Variants in CEMIP observed in about 807,000 individuals in gnomAD.
CEMIP encodes the protein cell migration-inducing and hyaluronan-binding protein.
In CEMIP, 105 loss-of-function variants were observed where a neutral mutation model predicts 156.9. The ratio of observed to expected loss-of-function variants is 0.67; its 90% CI spans 0.57 to 0.79. CEMIP has a LOEUF of 0.79. CEMIP is among the 30% of genes least tolerant of loss of function. The pLI is 0.00. For synonymous variants in CEMIP, 676 were observed against 668.4 expected (o/e 1.01, Z -0.17); for missense variants, 1,457 against 1,769.4 (o/e 0.82, Z 3.17).
At chr15:80,923,628 G>C (rs1277208165) in intron 17 of CEMIP, among the ~76,000 whole-genome samples, 1 of 152,122 alleles carries the variant, frequency 6.6e-6, no homozygotes, top group Non-Finnish European at 1.5e-5. Flanking sequence ...AAGGAGTGAA[G>C]AAGAACCTCC....
intron 1 of CEMIP, among the ~76,000 whole-genome samples, chr15:80,787,676 G>C (rs563257342): frequency 6.6e-6 from 1 of 152,274 alleles, no homozygotes; most frequent in South Asian, 2.1e-4. Context: ...CCTTGGTTGC[G>C]CTGATCTCTT....
rs148513895 is a variant in CEMIP at position 80,868,053 on chromosome 15, A to T, written c.-175-5485A>T. On this transcript the variant is annotated intron_variant, in intron 1 of 29. Coordinates refer to ENST00000394685, the MANE Select transcript of CEMIP (RefSeq NM_001293298.2). ...TGGTTTCTGGTGTCCACAAAGATAG[A>T]CTTTTGGGTCCTTAGCCAGAAAAGG... 5.8e-3 allele frequency among the ~76,000 whole-genome samples: 876 copies of T among 152,156 alleles called. 15 individuals are homozygous for T. The highest frequency in any genetic ancestry group is 0.016 in the African/African-American group (675 of 41,486).
At chr15:80,920,643 T>TATTAGAGA (rs1900438202) in intron 15 of CEMIP, among the ~76,000 whole-genome samples, 1 of 152,140 alleles carries the variant, frequency 6.6e-6, no homozygotes, top group African/African-American at 2.4e-5. Flanking sequence ...ACACAGACCC[T>TATTAGAGA]TTTCTAGATA....
intron 1 of CEMIP, chr15:80,842,184 T>C (rs1411532115): frequency 2.3e-6 from 1 of 434,904 alleles, no homozygotes; most frequent in Non-Finnish European, 4.6e-6. Flanking sequence ...TTCCTTTTCA[T>C]CTTTTACCTA....
At chr15:80,896,094 T>A in intron 12 of CEMIP, 34 bp downstream of exon 12, 1 of 1,601,696 alleles carries the variant, frequency 6.2e-7, no homozygotes, top group East Asian at 2.2e-5. Context: ...CTAGACTGGA[T>A]GAATCTGAAA....
chr15:80,865,477 G>A (rs1276624228), intron 1 of CEMIP, among the ~76,000 whole-genome samples: 1 of 152,130 alleles, frequency 6.6e-6, no homozygotes, highest in African/African-American at 2.4e-5. Flanking sequence ...ACCGCGCCCG[G>A]CCAAGGAACT....
chr15:80,931,893 G>A lies in CEMIP; in HGVS notation c.2647G>A (p.Gly883Ser). The A allele has an allele frequency of 6.2e-7, 1 of 1,614,200 alleles. No homozygotes were observed. Reference protein sequence around the residue: ...FPIRGIQLYDGPINIQNCTFR... With the variant: ...FPIRGIQLYDSPINIQNCTFR... ...AATTAGAGGAATTCAGTTATATGAT[G>A]GCCCCATCAACATCCAAAACTGCAC... The change falls in exon 22 of 30, where the codon GGC becomes AGC. Residue 883 changes from glycine (G) to serine (S), a missense_variant. Physicochemically the swap from Gly to Ser is moderately conservative, Grantham distance 56. Coordinates refer to ENST00000394685, the MANE Select transcript of CEMIP (RefSeq NM_001293298.2).
chr15:80,868,382 G>T (rs1268780157), intron 1 of CEMIP, among the ~76,000 whole-genome samples: 2 of 152,168 alleles, frequency 1.3e-5, no homozygotes, highest in Non-Finnish European at 2.9e-5. Context: ...TTTACAGAAT[G>T]TGGGTTCTGG....
At chr15:80,832,437 G>C (rs1897177923) in intron 1 of CEMIP, among the ~76,000 whole-genome samples, 1 of 151,430 alleles carries the variant, frequency 6.6e-6, no homozygotes, top group African/African-American at 2.4e-5. Context: ...TGGTCCAAAA[G>C]TTGGTCAAAA....
intron 6 of CEMIP, among the ~76,000 whole-genome samples, chr15:80,883,969 A>G (rs1898747959): frequency 6.6e-6 from 1 of 152,268 alleles, no homozygotes; most frequent in African/African-American, 2.4e-5. Context: ...TGGTCAAGTC[A>G]AAACCCTTCT....
intron 1 of CEMIP, among the ~76,000 whole-genome samples, chr15:80,839,459 T>C (rs1422948139): frequency 6.6e-6 from 1 of 152,138 alleles, no homozygotes; most frequent in East Asian, 1.9e-4. Flanking sequence ...TGCAAAGTCC[T>C]GGGCTCCCTG....
In CEMIP at chr15:80,929,142, G is replaced by A; in HGVS notation, c.2580G>A (p.Leu860=). The A allele has an allele frequency of 6.2e-7, 1 of 1,614,222 alleles. No homozygotes were observed. The highest frequency in any genetic ancestry group is 8.5e-7 in the Non-Finnish European group (1 of 1,180,040). The change falls in exon 21 of 30, where the codon TTG becomes TTA. Residue 860 remains leucine (L), a synonymous_variant. Transcript: ENST00000394685. ...MDNRIWGPGG[L]DHSGRTLPIG... is the part of the protein sequence containing the mutation. ...ATAGGATCTGGGGCCCTGGCGGCTT[G>A]GACCATAGCGGAAGGACCCTCCCTA...
At chr15:80,883,023 C>A (rs538806901) in intron 6 of CEMIP, among the ~76,000 whole-genome samples, 1 of 152,266 alleles carries the variant, frequency 6.6e-6, no homozygotes, top group South Asian at 2.1e-4. Context: ...GGGGCTGGAC[C>A]AGATTGTGCC....
Position 80,925,708 on chromosome 15 carries a change from C to G in CEMIP, c.2373C>G (p.Asp791Glu), listed in dbSNP as rs1900634794. ...IRHFIAYKNQ[D>E]HGAWLRGGDV... ...ACTTCATTGCCTACAAGAACCAGGA[C>G]CACGGGGCCTGGCTGCGCGGCGGGG... is the stretch of plus-strand genomic sequence containing the variant. Residue 791 changes from aspartate to glutamate, a missense_variant, in exon 19 of 30, where the codon GAC becomes GAG. Physicochemically the swap from Asp to Glu is conservative, Grantham distance 45. Coordinates refer to ENST00000394685, the MANE Select transcript of CEMIP (RefSeq NM_001293298.2). 6.2e-7 allele frequency: 1 copy of G among 1,613,682 alleles called. No homozygotes were observed. Among genetic ancestry groups the G allele is most frequent in the Non-Finnish European group, 8.5e-7 (1 of 1,180,010 alleles).
intron 1 of CEMIP, among the ~76,000 whole-genome samples, chr15:80,793,791 G>A (rs913177913): frequency 1.3e-5 from 2 of 152,086 alleles, no homozygotes; most frequent in African/African-American, 2.4e-5. Context: ...TTTCACAGAG[G>A]ACTTTCTGAG....
At chr15:80,811,683 T>C (rs1011401248) in intron 1 of CEMIP, among the ~76,000 whole-genome samples, 66 of 152,270 alleles carry the variant, frequency 4.3e-4, no homozygotes, top group African/African-American at 1.5e-3. Flanking sequence ...GCCTCCTGAG[T>C]AGCTGAGGCC....
At chr15:80,849,764 T>C (rs962597994) in intron 1 of CEMIP, among the ~76,000 whole-genome samples, 4 of 151,892 alleles carry the variant, frequency 2.6e-5, no homozygotes, top group African/African-American at 4.8e-5. Flanking sequence ...TGAGGCCAGA[T>C]TGAAATATAC....
intron 4 of CEMIP, 152 bp from the exon 5 acceptor site, chr15:80,879,564 G>A: frequency 1.1e-6 from 1 of 899,460 alleles, no homozygotes. Context: ...GACTTTACTT[G>A]TAAGTACACC....
intron 1 of CEMIP, among the ~76,000 whole-genome samples, chr15:80,819,642 A>G (rs1038412927): frequency 1.3e-5 from 2 of 152,170 alleles, no homozygotes; most frequent in African/African-American, 4.8e-5. Flanking sequence ...TGGGGACTTT[A>G]ATCATTTTAA....
Sources: allele counts gnomAD v4.1 joint callset (sites outside exome capture counted in the v4.1 genomes callset), GRCh38; gene constraint gnomAD v4.1.1; transcripts MANE v1.5; gene names NCBI Gene and HGNC (gene_info 2026-07-23, HGNC 2026-07-21).